NPTN: variants seen among roughly 807,000 people sequenced by gnomAD.
NPTN encodes neuroplastin.
Under a neutral mutation model 42.7 loss-of-function variants are expected in NPTN, and 5 were observed. That is an observed-to-expected ratio of 0.12 (90% CI 0.06 to 0.25). The LOEUF is 0.25. Among genes scored for constraint, NPTN ranks in the 10% least tolerant of loss-of-function variants. The pLI is 1.00. For missense variants in NPTN, 307 were observed against 525.4 expected (o/e 0.58, Z 4.06); for synonymous variants, 180 against 201.9 (o/e 0.89, Z 0.92).
At chr15:73,571,514 A>C (rs983124079) in intron 5 of NPTN, among the ~76,000 whole-genome samples, 1 of 152,160 alleles carries the variant, frequency 6.6e-6, no homozygotes, top group African/African-American at 2.4e-5. Context: ...CCACTGCTGG[A>C]AAGAGTCAGG....
At chr15:73,611,102 AG>A (rs1185228188) in intron 1 of NPTN, among the ~76,000 whole-genome samples, 1 of 152,254 alleles carries the variant, frequency 6.6e-6, no homozygotes, top group Non-Finnish European at 1.5e-5. Context: ...ACACTGAGCC[AG>A]AGTCCAAAGA....
chr15:73,616,863 C>A (rs914601684), intron 1 of NPTN, among the ~76,000 whole-genome samples: 1 of 152,128 alleles, frequency 6.6e-6, no homozygotes, highest in Non-Finnish European at 1.5e-5. Flanking sequence ...ACCCACATGG[C>A]TAAGATATTA....
At chr15:73,583,843 G>A (rs886333006) in intron 4 of NPTN, among the ~76,000 whole-genome samples, 3 of 152,156 alleles carry the variant, frequency 2.0e-5, no homozygotes, top group Non-Finnish European at 2.9e-5. Flanking sequence ...TGCTGAAAGT[G>A]CCGTGTGAAT....
chr15:73,592,095 C>T lies in NPTN; in HGVS notation c.482G>A (p.Ser161Asn). The change falls in exon 3 of 9, where the codon AGC becomes AAC. Residue 161 changes from serine (S) to asparagine (N), a missense_variant. Ser to Asn is a conservative substitution (Grantham distance 46, BLOSUM62 1). This residue lies in a region of NPTN where 264 missense variants were observed against 491.1 expected (regional missense o/e 0.54). Transcript: ENST00000345330. ...VTSEEVIIRD[S>N]PVLPVTLQCN... ...CTGCAGGGTGACAGGGAGAACAGGG[C>T]TGTCTCGAATAATGACCTCTTCACT... 5 of 1,614,026 alleles carry T rather than the reference C, an allele frequency of 3.1e-6. No individual in the cohort carries two copies. The highest frequency in any genetic ancestry group is 3.4e-6 in the Non-Finnish European group (4 of 1,179,950).
At chr15:73,573,862 T>C in intron 4 of NPTN, 67 bp from the exon 5 acceptor site, 1 of 1,575,294 alleles carries the variant, frequency 6.3e-7, no homozygotes, top group Middle Eastern at 1.8e-4. Flanking sequence ...AGGCCCCACC[T>C]TCTGGCTCAG....
chr15:73,605,627 C>G (rs535810715), intron 1 of NPTN, among the ~76,000 whole-genome samples: 1 of 150,820 alleles, frequency 6.6e-6, no homozygotes, highest in African/African-American at 2.5e-5. Flanking sequence ...ACTCGGGAGG[C>G]TGAGGCAGGA....
chr15:73,613,785 A>C (rs1897718969), intron 1 of NPTN, among the ~76,000 whole-genome samples: 2 of 151,988 alleles, frequency 1.3e-5, no homozygotes, highest in South Asian at 4.1e-4. Context: ...TCCTGGATTC[A>C]AGCGATTCTC....
At chr15:73,574,271 T>C (rs1012331021) in intron 4 of NPTN, among the ~76,000 whole-genome samples, 8 of 152,186 alleles carry the variant, frequency 5.3e-5, no homozygotes, top group Non-Finnish European at 5.9e-5. Flanking sequence ...TTACAAGGTA[T>C]GTAAAAACAA....
intron 4 of NPTN, among the ~76,000 whole-genome samples, chr15:73,582,478 T>C (rs981107351): frequency 3.9e-5 from 6 of 152,172 alleles, no homozygotes; most frequent in Admixed American, 1.3e-4. Context: ...AGATTTATCA[T>C]TGGTTGTGAA....
Position 73,569,078 on chromosome 15 carries a change from A to G in NPTN, c.1114+1072T>C. On this transcript the variant is annotated intron_variant, in intron 6 of 8. Transcript: ENST00000345330. This position sits in a 1 kb window ranked among gnomAD's most constrained non-coding sequence, Gnocchi z 4.1. ...ACACAGGCCCCAGAACAGCTGGACT[A>G]CAGCTGGCAACCCCACCATCACCCC... The G allele has an allele frequency of 1.0e-6, 1 of 985,890 alleles. No homozygotes were observed. Among genetic ancestry groups the G allele is most frequent in the Non-Finnish European group, 1.2e-6 (1 of 830,308 alleles). 61.1% of individuals were successfully genotyped at this position (985,890 alleles called of 1,614,324 possible). A position where few individuals can be genotyped will look rare whatever the true frequency, so the allele number is the denominator to read the frequency against.
At chr15:73,572,566 C>T (rs1422026011) in intron 5 of NPTN, among the ~76,000 whole-genome samples, 3 of 152,068 alleles carry the variant, frequency 2.0e-5, no homozygotes, top group Non-Finnish European at 4.4e-5. Flanking sequence ...TCAGTATGTT[C>T]TGTGTTGCAG....
chr15:73,586,277 A>G (rs1896315256), intron 4 of NPTN, among the ~76,000 whole-genome samples: 1 of 152,234 alleles, frequency 6.6e-6, no homozygotes, highest in Non-Finnish European at 1.5e-5. Flanking sequence ...ACTGGCTTAG[A>G]GAAAATGTTT....
chr15:73,563,852 C>T (rs1424483651), intron 6 of NPTN, among the ~76,000 whole-genome samples: 1 of 152,156 alleles, frequency 6.6e-6, no homozygotes, highest in Non-Finnish European at 1.5e-5. Context: ...CCATGCTGGG[C>T]TATGCCAGCA....
intron 2 of NPTN, among the ~76,000 whole-genome samples, chr15:73,593,519 T>C (rs571583031): frequency 2.0e-5 from 3 of 152,262 alleles, no homozygotes; most frequent in South Asian, 4.1e-4. Context: ...TTATACAGTA[T>C]TGTGCTGAGC....
chr15:73,592,165 G>C, intron 2 of NPTN, 28 bp from the exon 3 acceptor site: 1 of 1,596,718 alleles, frequency 6.3e-7, no homozygotes, highest in South Asian at 1.1e-5. Flanking sequence ...AATGATAGGG[G>C]GCAATAGCCT....
chr15:73,575,086 C>T (rs1489993413), intron 4 of NPTN, among the ~76,000 whole-genome samples: 2 of 152,208 alleles, frequency 1.3e-5, no homozygotes, highest in East Asian at 1.9e-4. Context: ...TGGTTTCAAG[C>T]GATTCTCCTG....
intron 1 of NPTN, among the ~76,000 whole-genome samples, chr15:73,615,160 T>G (rs1351016875): frequency 6.6e-6 from 1 of 151,868 alleles, no homozygotes; most frequent in Non-Finnish European, 1.5e-5. Flanking sequence ...AACAATCTTT[T>G]TTTTTTTTTT....
intron 4 of NPTN, among the ~76,000 whole-genome samples, chr15:73,574,537 C>T (rs895368441): frequency 6.6e-6 from 1 of 152,032 alleles, no homozygotes; most frequent in South Asian, 2.1e-4. Flanking sequence ...CCTCAGCTCC[C>T]GAGTAACTAG....
intron 3 of NPTN, among the ~76,000 whole-genome samples, chr15:73,588,330 C>T (rs1465246922): frequency 6.6e-6 from 1 of 152,242 alleles, no homozygotes; most frequent in Non-Finnish European, 1.5e-5. Context: ...TTCTGAGCTT[C>T]TCCAAAGACC....
Sources: gnomAD v4.1 joint callset for allele counts (sites outside exome capture counted in the v4.1 genomes callset) on GRCh38, gnomAD v4.1.1 for gene constraint, gnomAD v4.1.1 regional missense constraint, Gnocchi (gnomAD v3.1) non-coding constraint, MANE v1.5 for transcripts, NCBI Gene and HGNC (gene_info 2026-07-23, HGNC 2026-07-21) for gene names.